Variants in CELF2 observed in about 807,000 individuals in gnomAD.
CELF2 encodes the protein CUGBP Elav-like family member 2, also known as CUG triplet repeat RNA-binding protein 2.
Under a neutral mutation model 62.6 loss-of-function variants are expected in CELF2, and 8 were observed. That is an observed-to-expected ratio of 0.13 (90% CI 0.07 to 0.23). CELF2 has a LOEUF of 0.23. Among genes scored for constraint, CELF2 ranks in the 10% least tolerant of loss-of-function variants. The pLI, the probability that CELF2 is intolerant of heterozygous loss-of-function variation, is 1.00. For synonymous variants in CELF2, 258 were observed against 250.0 expected, an observed-to-expected ratio of 1.03 and a Z score of -0.30; for missense variants, 333 against 671.0, an observed-to-expected ratio of 0.50 and a Z score of 5.56.
At chr10:10,855,207 T>C (rs538803245) in intron 1 of CELF2, among the ~76,000 whole-genome samples, 1 of 152,264 alleles carries the variant, frequency 6.6e-6, no homozygotes, top group South Asian at 2.1e-4. Flanking sequence ...CCTCTGCATT[T>C]CAAGATGTCC....
At chr10:10,927,791 C>G (rs1469519984) in intron 2 of CELF2, among the ~76,000 whole-genome samples, 1 of 152,134 alleles carries the variant, frequency 6.6e-6, no homozygotes, top group Non-Finnish European at 1.5e-5. Context: ...AAACTCCCAC[C>G]TGAACTGTTA....
At chr10:10,805,749 G>A (rs1013303819) in intron 1 of CELF2, among the ~76,000 whole-genome samples, 4 of 152,158 alleles carry the variant, frequency 2.6e-5, no homozygotes, top group African/African-American at 9.7e-5. Flanking sequence ...TGATCATAGA[G>A]AGAGTCTTTA....
At chr10:10,593,351 A>G in the CELF2 span, among the ~76,000 whole-genome samples, 1 of 152,238 alleles carries the variant, frequency 6.6e-6, no homozygotes, top group Non-Finnish European at 1.5e-5. Context: ...TCTCCAGTAG[A>G]ATGACTTGAG....
At chr10:10,912,762 C>G (rs1296996817) in intron 1 of CELF2, among the ~76,000 whole-genome samples, 1 of 152,172 alleles carries the variant, frequency 6.6e-6, no homozygotes, top group Non-Finnish European at 1.5e-5. Context: ...CTGTGGCTTA[C>G]GCATACTCCC....
chr10:10,792,593 A>G, the CELF2 span: 3 of 394,514 alleles, frequency 7.6e-6, no homozygotes, highest in Non-Finnish European at 4.5e-6. Flanking sequence ...AAACCAAAAA[A>G]GACTGTAAGA....
chr10:11,282,981 T>C (rs1214197131), intron 8 of CELF2, among the ~76,000 whole-genome samples: 1 of 152,236 alleles, frequency 6.6e-6, no homozygotes, highest in East Asian at 1.9e-4. Context: ...TTGCCCAGGC[T>C]GGACTTGAAC....
At chr10:11,325,775 A>G (rs1365342664) in intron 11 of CELF2, 61 bp from the exon 12 acceptor site, 2 of 1,459,926 alleles carry the variant, frequency 1.4e-6, no homozygotes, top group African/African-American at 2.8e-5. Context: ...ATTCCTAAGA[A>G]GGGACTTTGG....
chr10:10,826,212 C>A (rs1038008479), intron 1 of CELF2, among the ~76,000 whole-genome samples: 2 of 151,486 alleles, frequency 1.3e-5, no homozygotes, highest in African/African-American at 4.8e-5. Flanking sequence ...ATGCCCATTT[C>A]TCTTGGTATG....
chr10:10,867,069 G>A (rs1375133700), intron 1 of CELF2, among the ~76,000 whole-genome samples: 1 of 152,134 alleles, frequency 6.6e-6, no homozygotes, highest in African/African-American at 2.4e-5. Flanking sequence ...TAGAATATAG[G>A]GAGGTTGTGG....
chr10:11,236,430 T>C (rs2071324552), intron 3 of CELF2, among the ~76,000 whole-genome samples: 1 of 152,262 alleles, frequency 6.6e-6, no homozygotes, highest in Admixed American at 6.5e-5. Context: ...CCTTGCGTTG[T>C]GCAGGAAACA....
chr10:10,539,224 G>A, the CELF2 span, among the ~76,000 whole-genome samples: 1 of 152,204 alleles, frequency 6.6e-6, no homozygotes, highest in African/African-American at 2.4e-5. Flanking sequence ...TCTATACAAA[G>A]AAAAAGTAGC....
the CELF2 span, among the ~76,000 whole-genome samples, chr10:10,736,002 G>T: frequency 6.6e-6 from 1 of 152,124 alleles, no homozygotes; most frequent in Non-Finnish European, 1.5e-5. Flanking sequence ...TATGAATTTG[G>T]ATAAGTCACC....
At chr10:11,234,695 A>AG (rs1214579152) in intron 3 of CELF2, among the ~76,000 whole-genome samples, 1 of 151,384 alleles carries the variant, frequency 6.6e-6, no homozygotes, top group East Asian at 1.9e-4. Context: ...AAAAAAAAAA[A>AG]AAAAAATTCA....
At chr10:11,317,613 G>A (rs1034463571) in intron 10 of CELF2, 1 of 152,260 alleles carries the variant, frequency 6.6e-6, no homozygotes, top group African/African-American at 2.4e-5. Context: ...CAGGGAATGT[G>A]GTCTGCTTAT....
the CELF2 span, among the ~76,000 whole-genome samples, chr10:10,659,738 C>T: frequency 6.6e-6 from 1 of 152,198 alleles, no homozygotes; most frequent in Non-Finnish European, 1.5e-5. Flanking sequence ...TTCCAGCTCC[C>T]TCAGTGACAG....
rs2078267777 is a variant in CELF2 at position 11,255,014 on chromosome 10, C to CGGTGTAGACGGCCTGCAGCAGGT, written c.404-2718_404-2696dup. On this transcript the variant is annotated intron_variant, in intron 4 of 12. Coordinates refer to ENST00000633077, the MANE Select transcript of CELF2 (RefSeq NM_001326342.2). This position sits in a 1 kb window ranked among gnomAD's most constrained non-coding sequence, Gnocchi z 5.5. ...ATCCTCCCATGTTAGTGAGCACAGG[C>CGGTGTAGACGGCCTGCAGCAGGT]GGTGTAGACGGCCTGCAGCAGGTGG... 6.6e-6 allele frequency among the ~76,000 whole-genome samples: 1 copy of CGGTGTAGACGGCCTGCAGCAGGT among 152,152 alleles called. No individual in the cohort carries two copies. Among genetic ancestry groups the CGGTGTAGACGGCCTGCAGCAGGT allele is most frequent in the South Asian group, 2.1e-4 (1 of 4,826 alleles).
At chr10:11,226,685 G>A (rs1369714658) in intron 3 of CELF2, among the ~76,000 whole-genome samples, 1 of 151,946 alleles carries the variant, frequency 6.6e-6, no homozygotes, top group Non-Finnish European at 1.5e-5. Context: ...GCACCTGGCA[G>A]CGGCTGTGCC....
the CELF2 span, among the ~76,000 whole-genome samples, chr10:10,755,690 C>G: frequency 6.6e-6 from 1 of 152,354 alleles, no homozygotes; most frequent in South Asian, 2.1e-4. Flanking sequence ...CACGCCCCCT[C>G]TTACGATGTT....
chr10:10,971,796 A>G (rs996248318), intron 2 of CELF2, among the ~76,000 whole-genome samples: 9 of 152,166 alleles, frequency 5.9e-5, no homozygotes, highest in African/African-American at 2.2e-4. Flanking sequence ...CATGTTGGTC[A>G]GACTGGTCTC....
Sources: allele counts gnomAD v4.1 joint callset (sites outside exome capture counted in the v4.1 genomes callset), GRCh38; gene constraint gnomAD v4.1.1; non-coding constraint Gnocchi (gnomAD v3.1); transcripts MANE v1.5; gene names NCBI Gene and HGNC (gene_info 2026-07-23, HGNC 2026-07-21).